The following VPS18 variants were observed in gnomAD, a reference collection of about 807,000 sequenced individuals.
VPS18 encodes VPS18 core subunit of CORVET and HOPS complexes.
VPS18 carries 25 observed loss-of-function variants against 82.0 expected under a neutral mutation model. The ratio of observed to expected loss-of-function variants is 0.30; its 90% CI spans 0.22 to 0.43. The LOEUF is 0.43. VPS18 is among the 20% of genes least tolerant of loss of function. The pLI is 1.00. For missense variants in VPS18, 1,168 were observed against 1,311.1 expected (o/e 0.89, Z 1.69); for synonymous variants, 523 against 543.0 (o/e 0.96, Z 0.51).
At chr15:40,896,390 T>A (rs1892230321) in intron 2 of VPS18, among the ~76,000 whole-genome samples, 1 of 151,854 alleles carries the variant, frequency 6.6e-6, no homozygotes, top group Non-Finnish European at 1.5e-5. Flanking sequence ...AACAAATTTT[T>A]AAAAATTAGC....
chr15:40,903,242 C>T lies in VPS18; in HGVS notation c.2823C>T (p.Ala941=), dbSNP rs763439707. ...QLKADLDELV[A]AECVYCGELM... ...AGGCTGACCTGGATGAGTTGGTGGC[C>T]GCTGAGTGTGTGTACTGTGGGGAGC... The change falls in exon 5 of 5, where the codon GCC becomes GCT. Residue 941 remains alanine, a synonymous_variant. Coordinates refer to ENST00000220509, the MANE Select transcript of VPS18 (RefSeq NM_020857.3). 29 of 1,611,116 alleles carry T rather than the reference C, an allele frequency of 1.8e-5. 1 individual carries two copies. Among genetic ancestry groups the T allele is most frequent in the South Asian group, 5.5e-5 (5 of 90,932 alleles).
Position 40,902,551 on chromosome 15 carries a change from C to G in VPS18, c.2197-65C>G, listed in dbSNP as rs1357529532. 7.2e-6 allele frequency: 11 copies of G among 1,537,214 alleles called. No individual in the cohort carries two copies. The highest frequency in any genetic ancestry group is 7.0e-6 in the Non-Finnish European group (8 of 1,140,904). Reference sequence around the variant, plus strand: ...TCGGGGCCTCTCCTCGGCCATCTCTCTCTCCCATAGTCTCCATGTTGGGCA... The same window carrying G: ...TCGGGGCCTCTCCTCGGCCATCTCTGTCTCCCATAGTCTCCATGTTGGGCA... On this transcript the variant is annotated intron_variant, in intron 4 of 4. Coordinates refer to ENST00000220509, the MANE Select transcript of VPS18 (RefSeq NM_020857.3). This position sits in a 1 kb window ranked among gnomAD's most constrained non-coding sequence, Gnocchi z 4.2.
Position 40,895,975 on chromosome 15 carries a change from C to T in VPS18, c.129C>T (p.Ile43=), listed in dbSNP as rs755610404. ...VNAQLEKEVP[I]FTKQRIDFTP... is the part of the protein sequence containing the mutation. ...CCCAGCTGGAGAAGGAAGTGCCCAT[C>T]TTCACAAAGCAGCGCATTGACTTCA... Residue 43 remains isoleucine, a synonymous_variant, in exon 2 of 5, where the codon ATC becomes ATT. Transcript: ENST00000220509. 2.5e-6 allele frequency: 4 copies of T among 1,614,200 alleles called. No individual in the cohort carries two copies. Among genetic ancestry groups the T allele is most frequent in the South Asian group, 1.1e-5 (1 of 91,084 alleles).
At chr15:40,895,761 CCT>C (rs1892218974) in intron 1 of VPS18, among the ~76,000 whole-genome samples, 175 bp from the exon 2 acceptor site, 1 of 152,160 alleles carries the variant, frequency 6.6e-6, no homozygotes, top group African/African-American at 2.4e-5. Context: ...GAGCTCCAGA[CCT>C]CTATTGTAAA....
intron 2 of VPS18, among the ~76,000 whole-genome samples, chr15:40,896,515 TAAA>T (rs201872500): frequency 7.0e-6 from 1 of 142,962 alleles, no homozygotes; most frequent in Non-Finnish European, 1.5e-5. Flanking sequence ...CCTGTCTCTT[TAAA>T]AAAAAAAAAA....
At position 40,899,580 on chromosome 15, in the gene VPS18, C is replaced by T. The variant is rs973011769; in HGVS notation, c.762C>T (p.His254=). The T allele has an allele frequency of 5.0e-6, 8 of 1,608,332 alleles. No individual in the cohort carries two copies. The African/African-American group carries it at 1.1e-4, about 21-fold the overall frequency. The part of the protein sequence containing the change: ...FSGLFAAYTD[H]PPPFREFPSN... Reference sequence around the variant, plus strand: ...GGCTCTTTGCAGCTTACACGGACCACCCACCCCCATTCCGTGAGTTTCCCA... The same window carrying T: ...GGCTCTTTGCAGCTTACACGGACCATCCACCCCCATTCCGTGAGTTTCCCA... Residue 254 remains histidine, a synonymous_variant, in exon 4 of 5, where the codon CAC becomes CAT. Coordinates refer to ENST00000220509, the MANE Select transcript of VPS18 (RefSeq NM_020857.3). This position sits in a 1 kb window ranked among gnomAD's most constrained non-coding sequence, Gnocchi z 4.4.
At position 40,899,241 on chromosome 15, in the gene VPS18, G is replaced by T. The variant is rs1205156233; in HGVS notation, c.423G>T (p.Leu141=). The change falls in exon 4 of 5, where the codon CTG becomes CTT. Residue 141 remains leucine (L), a synonymous_variant. Transcript: ENST00000220509. The surrounding 1 kb of genome is among the most constrained non-coding windows in gnomAD (Gnocchi z 4.4). The part of the protein sequence containing the change: ...VRPLARWKGQ[L]VESVGWNKAL... The stretch of plus-strand genomic sequence containing the variant: ...CACTAGCACGCTGGAAGGGGCAGCT[G>T]GTGGAGAGTGTGGGTTGGAACAAGG... 2.5e-6 allele frequency: 4 copies of T among 1,614,264 alleles called. No homozygotes were observed. The highest frequency in any genetic ancestry group is 3.4e-6 in the Non-Finnish European group (4 of 1,180,056).
At position 40,894,850 on chromosome 15, in the gene VPS18, C is replaced by T; in HGVS notation, c.82C>T (p.Pro28Ser). The T allele has an allele frequency of 1.3e-6, 2 of 1,552,754 alleles. No homozygotes were observed. Among genetic ancestry groups the T allele is most frequent in the South Asian group, 1.2e-5 (1 of 84,196 alleles). ...LQPGCPSVGI[P>S]HSGYVNAQLE... ...GCCCGGCTGCCCTAGCGTGGGCATCCCCCACTCGGGTAAGGAAGAGGAGGG... is the reference window on the plus strand; with the variant it reads ...GCCCGGCTGCCCTAGCGTGGGCATCTCCCACTCGGGTAAGGAAGAGGAGGG... The change falls in exon 1 of 5, where the codon CCC (proline) becomes TCC (serine). Residue 28 changes from proline (P) to serine (S), a missense_variant. Pro to Ser is a moderately conservative substitution (Grantham distance 74). Coordinates refer to ENST00000220509, the MANE Select transcript of VPS18 (RefSeq NM_020857.3).
Position 40,902,304 on chromosome 15 carries a change from G to A in VPS18, c.2197-312G>A, listed in dbSNP as rs966451757. Among the ~76,000 whole-genome samples, 45 of 152,000 alleles carry A rather than the reference G, an allele frequency of 3.0e-4. No individual in the cohort carries two copies. The highest frequency in any genetic ancestry group is 1.0e-3 in the African/African-American group (43 of 41,382). The stretch of plus-strand genomic sequence containing the variant: ...ATTTTTTTGTATTTTTAGTAGAGAC[G>A]GGGTTTCACTGTGTTAGCCAGGATG... On this transcript the variant is annotated intron_variant, in intron 4 of 4. Coordinates refer to ENST00000220509, the MANE Select transcript of VPS18 (RefSeq NM_020857.3). This position sits in a 1 kb window ranked among gnomAD's most constrained non-coding sequence, Gnocchi z 4.2.
rs1309075632 is a variant in VPS18 at position 40,900,434 on chromosome 15, G to A, written c.1616G>A (p.Ser539Asn). 6.2e-7 allele frequency: 1 copy of A among 1,613,980 alleles called. No individual in the cohort carries two copies. Among genetic ancestry groups the A allele is most frequent in the Non-Finnish European group, 8.5e-7 (1 of 1,180,014 alleles). The change falls in exon 4 of 5, where the codon AGC becomes AAC. Residue 539 changes from serine to asparagine, a missense_variant. Physicochemically the swap from Ser to Asn is conservative, Grantham distance 46 (BLOSUM62 1). Coordinates refer to ENST00000220509, the MANE Select transcript of VPS18 (RefSeq NM_020857.3). The surrounding 1 kb of genome is among the most constrained non-coding windows in gnomAD (Gnocchi z 5.4). Reference sequence around the variant, plus strand: ...CGCCACAAAGAGTGGCTCTTTGCCAGCCGGGCCTCTATCCATGAGCTGCTC... The same window carrying A: ...CGCCACAAAGAGTGGCTCTTTGCCAACCGGGCCTCTATCCATGAGCTGCTC... The part of the protein sequence containing the change: ...SPRHKEWLFA[S>N]RASIHELLAS...
rs899874975 is a variant in VPS18, at chr15:40,899,697, G to T, written c.879G>T (p.Leu293Phe). ...AFAWMMGDGV[L>F]YGALDCGRPD... ...CCTGGATGATGGGGGATGGTGTGTT[G>T]TATGGGGCATTGGACTGTGGGCGCC... Residue 293 changes from leucine to phenylalanine, a missense_variant, in exon 4 of 5, where the codon TTG becomes TTT. By Grantham distance (22) the Leu-to-Phe change is conservative. Transcript: ENST00000220509. This position sits in a 1 kb window ranked among gnomAD's most constrained non-coding sequence, Gnocchi z 4.4. 3 of 1,613,864 alleles carry T rather than the reference G, an allele frequency of 1.9e-6. No homozygotes were observed. In the African/African-American group the frequency reaches 4.0e-5, roughly 22 times the overall value.
In VPS18 at chr15:40,900,841, C is replaced by A. The variant is rs750051348; in HGVS notation, c.2023C>A (p.Arg675=). ...CCTGCTGTCACTGTATGCCCGTGGCCGGCCGGACTCACTACTGGCCTATCT... is the reference window on the plus strand; with the variant it reads ...CCTGCTGTCACTGTATGCCCGTGGCAGGCCGGACTCACTACTGGCCTATCT... ...NYLLSLYARG[R]PDSLLAYLEQ... Residue 675 remains arginine (R), a synonymous_variant, in exon 4 of 5, where the codon CGG becomes AGG. Coordinates refer to ENST00000220509, the MANE Select transcript of VPS18 (RefSeq NM_020857.3). The surrounding 1 kb of genome is among the most constrained non-coding windows in gnomAD (Gnocchi z 5.4). 1.2e-6 allele frequency: 2 copies of A among 1,614,144 alleles called. No individual in the cohort carries two copies. The highest frequency in any genetic ancestry group is 8.5e-7 in the Non-Finnish European group (1 of 1,180,042).
At chr15:40,897,196 G>A (rs1892244377) in intron 2 of VPS18, among the ~76,000 whole-genome samples, 2 of 152,096 alleles carry the variant, frequency 1.3e-5, no homozygotes, top group Non-Finnish European at 2.9e-5. Context: ...TTGGGAGGCT[G>A]AGGCAGGAGA....
chr15:40,898,266 T>TC (rs962702038), intron 2 of VPS18, among the ~76,000 whole-genome samples: 8 of 150,560 alleles, frequency 5.3e-5, no homozygotes, highest in African/African-American at 2.0e-4. Flanking sequence ...TTTTTTTTTT[T>TC]TCCCCCCTTT....
Position 40,900,101 on chromosome 15 carries a change from G to A in VPS18, c.1283G>A (p.Arg428Gln), listed in dbSNP as rs770059646. The change falls in exon 4 of 5, where the codon CGG (arginine) becomes CAG (glutamine). Residue 428 changes from arginine (R) to glutamine (Q), a missense_variant. Physicochemically the swap from Arg to Gln is conservative, Grantham distance 43. Transcript: ENST00000220509. This position sits in a 1 kb window ranked among gnomAD's most constrained non-coding sequence, Gnocchi z 5.4. ...RPDCLDTVLA[R>Q]EADFCFRQRR... is the part of the protein sequence containing the mutation. ...GACTGCCTGGACACGGTCCTGGCCC[G>A]GGAGGCCGATTTCTGCTTTCGCCAG... 56 of 1,613,708 alleles carry A rather than the reference G, an allele frequency of 3.5e-5. No individual in the cohort carries two copies. The highest frequency in any genetic ancestry group is 1.3e-4 in the South Asian group (12 of 91,090).
In VPS18 at chr15:40,900,145, G is replaced by A. The variant is rs903965655; in HGVS notation, c.1327G>A (p.Ala443Thr). 6 of 1,613,770 alleles carry A rather than the reference G, an allele frequency of 3.7e-6. No individual in the cohort carries two copies. Among genetic ancestry groups the A allele is most frequent in the Admixed American group, 1.7e-5 (1 of 60,030 alleles). The change falls in exon 4 of 5, where the codon GCA becomes ACA. Residue 443 changes from alanine to threonine, a missense_variant. By Grantham distance (58) the Ala-to-Thr change is moderately conservative. Transcript: ENST00000220509. The surrounding 1 kb of genome is among the most constrained non-coding windows in gnomAD (Gnocchi z 5.4). ...CFRQRRYLES[A>T]RCYALTQSYF... is the part of the protein sequence containing the mutation. ...TCGCCAGCGTCGCTACCTGGAGAGCGCACGCTGCTATGCCCTGACCCAGAG... is the reference window on the plus strand; with the variant it reads ...TCGCCAGCGTCGCTACCTGGAGAGCACACGCTGCTATGCCCTGACCCAGAG...
Position 40,902,701 on chromosome 15 carries a change from G to A in VPS18, c.2282G>A (p.Arg761Gln), listed in dbSNP as rs1279449908. The change falls in exon 5 of 5, where the codon CGG becomes CAG. Residue 761 changes from arginine (R) to glutamine (Q), a missense_variant. Physicochemically the swap from Arg to Gln is conservative, Grantham distance 43 (BLOSUM62 1). Transcript: ENST00000220509. The surrounding 1 kb of genome is among the most constrained non-coding windows in gnomAD (Gnocchi z 4.2). The part of the protein sequence containing the change: ...LRKKLWLKIA[R>Q]HVVQEEEDVQ... ...AAGAAGCTGTGGCTGAAGATCGCAC[G>A]GCACGTGGTGCAGGAAGAGGAAGAT... 7 of 1,614,264 alleles carry A rather than the reference G, an allele frequency of 4.3e-6. No homozygotes were observed. Among genetic ancestry groups the A allele is most frequent in the East Asian group, 2.2e-5 (1 of 44,890 alleles).
chr15:40,897,593 C>G (rs1353789385), intron 2 of VPS18, among the ~76,000 whole-genome samples: 1 of 152,110 alleles, frequency 6.6e-6, no homozygotes, highest in Non-Finnish European at 1.5e-5. Flanking sequence ...TGCATCGATT[C>G]TTTAGTTAGA....
Position 40,902,852 on chromosome 15 carries a change from C to G in VPS18, c.2433C>G (p.Ala811=). 11 of 1,614,266 alleles carry G rather than the reference C, an allele frequency of 6.8e-6. No homozygotes were observed. The highest frequency in any genetic ancestry group is 9.3e-6 in the Non-Finnish European group (11 of 1,180,046). ...FKEAICSSLK[A]YNHHIQELQR... is the part of the protein sequence containing the mutation. ...AGGCGATCTGCAGCTCACTTAAGGCCTACAACCACCACATCCAGGAGCTGC... is the reference window on the plus strand; with the variant it reads ...AGGCGATCTGCAGCTCACTTAAGGCGTACAACCACCACATCCAGGAGCTGC... The change falls in exon 5 of 5, where the codon GCC becomes GCG. Residue 811 remains alanine, a synonymous_variant. Transcript: ENST00000220509. This position sits in a 1 kb window ranked among gnomAD's most constrained non-coding sequence, Gnocchi z 4.2.
Sources: gnomAD v4.1 joint callset for allele counts (sites outside exome capture counted in the v4.1 genomes callset) on GRCh38, gnomAD v4.1.1 for gene constraint, Gnocchi (gnomAD v3.1) non-coding constraint, MANE v1.5 for transcripts, NCBI Gene and HGNC (gene_info 2026-07-23, HGNC 2026-07-21) for gene names.